FUT8: variants seen among roughly 807,000 people sequenced by gnomAD.
FUT8 encodes the protein alpha-(1,6)-fucosyltransferase.
In FUT8, 29 loss-of-function variants were observed where a neutral mutation model predicts 71.3. The ratio of observed to expected loss-of-function variants is 0.41; its 90% CI spans 0.30 to 0.55. The LOEUF (loss-of-function observed/expected upper bound fraction) is 0.55, where lower values mean the gene tolerates loss of function less well. Ranked by LOEUF, FUT8 falls within the 20% of genes least tolerant of loss-of-function variation. The probability of loss-of-function intolerance (pLI) is 0.34; values close to 1 mark genes in which losing one functional copy is unlikely to be tolerated. For synonymous variants in FUT8, 254 were observed against 239.3 expected (o/e 1.06, Z -0.57); for missense variants, 544 against 702.1 (o/e 0.77, Z 2.55).
chr14:65,606,210 C>G (rs1225314403), intron 3 of FUT8, among the ~76,000 whole-genome samples: 1 of 150,718 alleles, frequency 6.6e-6, no homozygotes, highest in Non-Finnish European at 1.5e-5. Context: ...GTAGTTGGGA[C>G]TACAGGCGCC....
At chr14:65,583,726 AT>A (rs1205248945) in intron 3 of FUT8, among the ~76,000 whole-genome samples, 1 of 152,028 alleles carries the variant, frequency 6.6e-6, no homozygotes, top group East Asian at 1.9e-4. Context: ...TTAATGATTA[AT>A]TAGAAAGTGC....
chr14:65,547,048 G>T (rs1208175482), intron 2 of FUT8, among the ~76,000 whole-genome samples: 1 of 151,100 alleles, frequency 6.6e-6, no homozygotes, highest in Non-Finnish European at 1.5e-5. Flanking sequence ...TTACTCTTTT[G>T]TAGTATCTCT....
At chr14:65,541,579 A>G (rs561493672) in intron 2 of FUT8, among the ~76,000 whole-genome samples, 94 of 152,296 alleles carry the variant, frequency 6.2e-4, no homozygotes, top group African/African-American at 2.1e-3. Context: ...CCCATCCTCA[A>G]CCTTTTTGTT....
chr14:65,701,762 TA>T (rs953156599), intron 7 of FUT8, among the ~76,000 whole-genome samples: 25 of 152,360 alleles, frequency 1.6e-4, no homozygotes, highest in African/African-American at 6.0e-4. Flanking sequence ...ATCATTTATG[TA>T]AATTCCTAGA....
Position 65,594,894 on chromosome 14 carries a change from C to T in FUT8, c.204-21084C>T, listed in dbSNP as rs117540798. Among the ~76,000 whole-genome samples, 908 of 151,984 alleles carry T rather than the reference C, an allele frequency of 6.0e-3. 31 individuals carry two copies. In the East Asian group the frequency reaches 0.093, roughly 16 times the overall value. Reference sequence around the variant, plus strand: ...TATAGGCACAGAATGGGGGTTGGGACGGGCCATAGGTAGTTTTGGAAAAGG... The same window carrying T: ...TATAGGCACAGAATGGGGGTTGGGATGGGCCATAGGTAGTTTTGGAAAAGG... On this transcript the variant is annotated intron_variant, in intron 3 of 10. Coordinates refer to ENST00000673929, the MANE Select transcript of FUT8 (RefSeq NM_001371533.1).
chr14:65,477,919 C>A (rs919944592), intron 2 of FUT8, among the ~76,000 whole-genome samples: 1 of 151,282 alleles, frequency 6.6e-6, no homozygotes, highest in African/African-American at 2.4e-5. Flanking sequence ...ATGGTTTAAA[C>A]GTTACGAGGC....
chr14:65,641,995 T>A (rs943805806), intron 6 of FUT8, among the ~76,000 whole-genome samples: 1 of 152,138 alleles, frequency 6.6e-6, no homozygotes, highest in Non-Finnish European at 1.5e-5. Flanking sequence ...GCCTTCTAAT[T>A]TTCTTAACAG....
At chr14:65,523,323 A>G (rs890198932) in intron 2 of FUT8, among the ~76,000 whole-genome samples, 2 of 152,222 alleles carry the variant, frequency 1.3e-5, no homozygotes, top group African/African-American at 4.8e-5. Flanking sequence ...TCTGATGGCC[A>G]GTGATGATGA....
At chr14:65,699,654 C>G (rs898161287) in intron 7 of FUT8, among the ~76,000 whole-genome samples, 5 of 152,172 alleles carry the variant, frequency 3.3e-5, no homozygotes, top group African/African-American at 1.2e-4. Flanking sequence ...TTGCAGATTT[C>G]TCATTGCGGG....
chr14:65,512,919 A>AAC (rs1555366743), intron 2 of FUT8, among the ~76,000 whole-genome samples: 1 of 151,434 alleles, frequency 6.6e-6, no homozygotes, highest in Non-Finnish European at 1.5e-5. Flanking sequence ...AAAAAAAAAA[A>AAC]AAAAAAGAAA....
intron 2 of FUT8, among the ~76,000 whole-genome samples, chr14:65,547,643 A>G (rs140762326): frequency 3.9e-5 from 6 of 151,918 alleles, no homozygotes; most frequent in African/African-American, 1.4e-4. Flanking sequence ...TATATCTTGT[A>G]GTATGTATCA....
At chr14:65,630,505 T>TGG (rs1344827473) in intron 6 of FUT8, among the ~76,000 whole-genome samples, 1 of 152,028 alleles carries the variant, frequency 6.6e-6, no homozygotes, top group Non-Finnish European at 1.5e-5. Flanking sequence ...GGTATGAGAG[T>TGG]GGTACTTAAG....
intron 7 of FUT8, among the ~76,000 whole-genome samples, chr14:65,689,651 G>A (rs1893476188): frequency 6.6e-6 from 1 of 152,152 alleles, no homozygotes; most frequent in Admixed American, 6.5e-5. Flanking sequence ...CAATTCTTCT[G>A]CCTCAGCCTC....
chr14:65,432,150 T>C (rs1243170112), intron 1 of FUT8, among the ~76,000 whole-genome samples: 1 of 152,210 alleles, frequency 6.6e-6, no homozygotes, highest in Non-Finnish European at 1.5e-5. Context: ...TCTTGGCTCA[T>C]TTACAAAGTC....
chr14:65,588,152 C>T (rs1264199588), intron 3 of FUT8, among the ~76,000 whole-genome samples: 1 of 152,184 alleles, frequency 6.6e-6, no homozygotes, highest in Non-Finnish European at 1.5e-5. Context: ...ACTACTCCTC[C>T]TTCCACCTTA....
intron 7 of FUT8, among the ~76,000 whole-genome samples, chr14:65,677,161 CAT>C (rs769382099): frequency 0.02 from 999 of 50,462 alleles, 10 homozygotes; most frequent in African/African-American, 0.044. Context: ...TGCGCGCGCG[CAT>C]GCGCGCGCAC....
Position 65,454,410 on chromosome 14 carries a change from T to A in FUT8, c.-325-1211T>A, listed in dbSNP as rs138793358. On this transcript the variant is annotated intron_variant, in intron 1 of 10. Coordinates refer to ENST00000673929, the MANE Select transcript of FUT8 (RefSeq NM_001371533.1). Reference sequence around the variant, plus strand: ...GGGAGGCTGAGGCACGAGGATTACTTGAGCCCAGGAGTTTGATACCAGCCT... The same window carrying A: ...GGGAGGCTGAGGCACGAGGATTACTAGAGCCCAGGAGTTTGATACCAGCCT... Among the ~76,000 whole-genome samples the A allele has an allele frequency of 5.9e-5, 9 of 152,238 alleles. No individual in the cohort carries two copies. The East Asian group carries it at 1.5e-3, about 26-fold the overall frequency.
chr14:65,549,978 T>C (rs999298707), intron 2 of FUT8, among the ~76,000 whole-genome samples: 3 of 152,148 alleles, frequency 2.0e-5, no homozygotes, highest in Non-Finnish European at 2.9e-5. Context: ...GGAGAATCGC[T>C]TGAACCCAGG....
chr14:65,721,644 CCT>C, intron 7 of FUT8, 129 bp from the exon 8 acceptor site: 1 of 933,744 alleles, frequency 1.1e-6, no homozygotes, highest in Non-Finnish European at 1.7e-6. Context: ...TATTTAACTT[CCT>C]TTGTAAAGTG....
Sources: gnomAD v4.1 joint callset for allele counts (sites outside exome capture counted in the v4.1 genomes callset) on GRCh38, gnomAD v4.1.1 for gene constraint, MANE v1.5 for transcripts, NCBI Gene and HGNC (gene_info 2026-07-23, HGNC 2026-07-21) for gene names.